The following CD83 variants were observed in gnomAD, a reference collection of about 807,000 sequenced individuals.
The protein encoded by CD83 is CD83 antigen.
Under a neutral mutation model 24.6 loss-of-function variants are expected in CD83, and 22 were observed. The ratio of observed to expected loss-of-function variants is 0.90; its 90% CI spans 0.64 to 1.28. The LOEUF (loss-of-function observed/expected upper bound fraction) is 1.28, where lower values mean the gene tolerates loss of function less well. Among genes scored for constraint, CD83 ranks in the 50% most tolerant of loss-of-function variants. CD83 has a pLI of 0.00. For missense variants in CD83, 253 were observed against 252.8 expected (o/e 1.00, Z -0.01); for synonymous variants, 101 against 103.5 (o/e 0.98, Z 0.14).
chr6:14,120,424 T>A (rs1411443007), intron 2 of CD83, among the ~76,000 whole-genome samples: 1 of 152,248 alleles, frequency 6.6e-6, no homozygotes, highest in Non-Finnish European at 1.5e-5. Context: ...GTCATTTTTC[T>A]ATAAGTTTCT....
intron 2 of CD83, among the ~76,000 whole-genome samples, chr6:14,119,421 C>T (rs918014859): frequency 1.3e-5 from 2 of 152,202 alleles, no homozygotes; most frequent in African/African-American, 2.4e-5. Flanking sequence ...ATGCTCACCA[C>T]GTGCCAAGCT....
chr6:14,134,053 C>T (rs1482137375), intron 4 of CD83, among the ~76,000 whole-genome samples: 4 of 152,100 alleles, frequency 2.6e-5, no homozygotes, highest in Admixed American at 6.5e-5. Flanking sequence ...GCCCTGTAGG[C>T]GCAGTGCTAG....
At chr6:14,118,604 G>T (rs117045777) in intron 2 of CD83, among the ~76,000 whole-genome samples, 1 of 152,146 alleles carries the variant, frequency 6.6e-6, no homozygotes, top group African/African-American at 2.4e-5. Context: ...TCCTTTGTGG[G>T]ATACCCTTGG....
rs1424942290 is a variant in CD83 at position 14,135,200 on chromosome 6, A to G, written c.582A>G (p.Leu194=). The G allele has an allele frequency of 1.2e-6, 2 of 1,613,746 alleles. No homozygotes were observed. The highest frequency in any genetic ancestry group is 1.3e-5 in the African/African-American group (1 of 75,040). The change falls in exon 5 of 5, where the codon TTA becomes TTG. Residue 194 remains leucine (L), a synonymous_variant. Transcript: ENST00000379153. ...FLPVTSPNKH[L]GLVTPHKTEL... is the part of the protein sequence containing the mutation. ...CAGTTACCTCCCCAAATAAGCATTT[A>G]GGGCTAGTGACTCCTCACAAGACAG...
At chr6:14,121,616 C>CAAAAAAAA (rs57805122) in intron 2 of CD83, among the ~76,000 whole-genome samples, 1 of 53,796 alleles carries the variant, frequency 1.9e-5, no homozygotes, top group Non-Finnish European at 3.2e-5. Context: ...CTGTCTCTAC[C>CAAAAAAAA]AAAAAAAAAA....
chr6:14,128,915 A>G (rs1759884201), intron 2 of CD83, among the ~76,000 whole-genome samples: 2 of 152,382 alleles, frequency 1.3e-5, no homozygotes, highest in South Asian at 4.1e-4. Context: ...ACTGCCAGCC[A>G]GTTTTGATCA....
chr6:14,127,075 G>A (rs1408475868), intron 2 of CD83, among the ~76,000 whole-genome samples: 9 of 151,460 alleles, frequency 5.9e-5, no homozygotes, highest in African/African-American at 1.9e-4. Flanking sequence ...TGCAACCTTC[G>A]CCTCCTGGGT....
intron 4 of CD83, among the ~76,000 whole-genome samples, chr6:14,133,965 C>A (rs1757984251): frequency 6.6e-6 from 1 of 151,660 alleles, no homozygotes; most frequent in South Asian, 2.1e-4. Context: ...ACGTTTAGAG[C>A]ATTGTGGAAA....
chr6:14,118,025 C>G lies in CD83; in HGVS notation c.113C>G (p.Pro38Arg). Reference protein sequence around the residue: ...SEDVDLPCTAPWDPQVPYTVS... With the variant: ...SEDVDLPCTARWDPQVPYTVS... The stretch of plus-strand genomic sequence containing the variant: ...GATGTGGACTTGCCCTGCACCGCCC[C>G]CTGGGATCCGCAGGTTCCCTACACG... Residue 38 changes from proline (P) to arginine (R), a missense_variant, in exon 2 of 5, where the codon CCC becomes CGC. By Grantham distance (103) the Pro-to-Arg change is moderately radical. Coordinates refer to ENST00000379153, the MANE Select transcript of CD83 (RefSeq NM_004233.4). 6.2e-7 allele frequency: 1 copy of G among 1,610,774 alleles called. No individual in the cohort carries two copies. Among genetic ancestry groups the G allele is most frequent in the Non-Finnish European group, 8.5e-7 (1 of 1,179,098 alleles).
intron 2 of CD83, among the ~76,000 whole-genome samples, chr6:14,126,071 G>A (rs776578881): frequency 6.6e-6 from 1 of 152,070 alleles, no homozygotes; most frequent in Non-Finnish European, 1.5e-5. Context: ...TCCAGATCAC[G>A]AAATGGGGCT....
intron 4 of CD83, among the ~76,000 whole-genome samples, chr6:14,134,651 C>A (rs1758000080): frequency 1.3e-5 from 2 of 152,180 alleles, no homozygotes; most frequent in Non-Finnish European, 2.9e-5. Context: ...ATCAGAGACT[C>A]CAGTGAGCAC....
chr6:14,128,051 G>A (rs1165209327), intron 2 of CD83, among the ~76,000 whole-genome samples: 1 of 152,196 alleles, frequency 6.6e-6, no homozygotes, highest in Non-Finnish European at 1.5e-5. Flanking sequence ...GAGAAGCAAT[G>A]GAACACTTTT....
At chr6:14,124,617 T>A (rs1759743196) in intron 2 of CD83, among the ~76,000 whole-genome samples, 1 of 152,146 alleles carries the variant, frequency 6.6e-6, no homozygotes, top group Admixed American at 6.5e-5. Context: ...GTACCAACCT[T>A]ATTTACATGG....
At position 14,117,869 on chromosome 6, in the gene CD83, T is replaced by C; in HGVS notation, c.37+21T>C. 2 of 1,575,850 alleles carry C rather than the reference T, an allele frequency of 1.3e-6. No individual in the cohort carries two copies. Among genetic ancestry groups the C allele is most frequent in the Non-Finnish European group, 1.7e-6 (2 of 1,167,756 alleles). ...CTGCGGTAGGGCTCGCGAGCGCCTG[T>C]CTCGCCTGTCGCCCCCCGCCCCTCC... On this transcript the variant is annotated intron_variant, in intron 1 of 4. Coordinates refer to ENST00000379153, the MANE Select transcript of CD83 (RefSeq NM_004233.4). The surrounding 1 kb of genome is among the most constrained non-coding windows in gnomAD (Gnocchi z 4.6).
chr6:14,130,204 T>C (rs1245307330), intron 2 of CD83, among the ~76,000 whole-genome samples: 1 of 152,188 alleles, frequency 6.6e-6, no homozygotes, highest in Non-Finnish European at 1.5e-5. Context: ...GGGGATGTCA[T>C]TGTTGAAGGG....
rs1011627465 is a variant in CD83 at position 14,129,159 on chromosome 6, G to A, written c.154-2361G>A. On this transcript the variant is annotated intron_variant, in intron 2 of 4. Transcript: ENST00000379153. The surrounding 1 kb of genome is among the most constrained non-coding windows in gnomAD (Gnocchi z 4.3). ...CAAAACGGTTGTTGCAGCTACACTC[G>A]CATTTGGAGGTTAATTTAGAAAAAG... Among the ~76,000 whole-genome samples, 1 of 152,172 alleles carries A rather than the reference G, an allele frequency of 6.6e-6. No individual in the cohort carries two copies. The highest frequency in any genetic ancestry group is 1.5e-5 in the Non-Finnish European group (1 of 68,046).
intron 3 of CD83, among the ~76,000 whole-genome samples, chr6:14,133,331 T>A (rs1207031228): frequency 6.6e-6 from 1 of 152,262 alleles, no homozygotes; most frequent in Non-Finnish European, 1.5e-5. Context: ...GGACCAGCTG[T>A]CTGGCTCAGC....
At chr6:14,127,535 A>G (rs1759847634) in intron 2 of CD83, among the ~76,000 whole-genome samples, 1 of 151,828 alleles carries the variant, frequency 6.6e-6, no homozygotes, top group African/African-American at 2.4e-5. Context: ...GTTTTAGTTC[A>G]AATTAGTTCA....
At chr6:14,123,503 G>A (rs187077856) in intron 2 of CD83, among the ~76,000 whole-genome samples, 185 of 152,322 alleles carry the variant, frequency 1.2e-3, no homozygotes, top group African/African-American at 4.3e-3. Context: ...CTTAGAAGAT[G>A]AGTCTCAGAG....
Sources: gnomAD v4.1 joint callset for allele counts (sites outside exome capture counted in the v4.1 genomes callset) on GRCh38, gnomAD v4.1.1 for gene constraint, Gnocchi (gnomAD v3.1) non-coding constraint, MANE v1.5 for transcripts, NCBI Gene and HGNC (gene_info 2026-07-23, HGNC 2026-07-21) for gene names.